The following CGNL1 variants were observed in gnomAD, a reference collection of about 807,000 sequenced individuals.
The protein encoded by CGNL1 is cingulin-like protein 1.
A neutral mutation model predicts 141.2 loss-of-function variants in CGNL1; 132 were observed. That is an observed-to-expected ratio of 0.93 (90% CI 0.81 to 1.08). The LOEUF is 1.08. CGNL1 is among the 50% of genes least tolerant of loss of function. The pLI, the probability that CGNL1 is intolerant of heterozygous loss-of-function variation, is 0.00. For missense variants in CGNL1, 1,870 were observed against 1,588.6 expected (o/e 1.18, Z -3.01); for synonymous variants, 690 against 622.1 (o/e 1.11, Z -1.63).
Position 57,452,117 on chromosome 15 carries a change from T to C in CGNL1, c.1906-24T>C. On this transcript the variant is annotated intron_variant, in intron 5 of 18. Coordinates refer to ENST00000281282, the MANE Select transcript of CGNL1 (RefSeq NM_032866.5). The stretch of plus-strand genomic sequence containing the variant: ...ACGTTAATGTACAGTGGAGGCTCTT[T>C]AAAATCACACTGATTCCTGTTAGAA... 4 of 1,606,144 alleles carry C rather than the reference T, an allele frequency of 2.5e-6. No individual in the cohort carries two copies. The South Asian group carries it at 4.5e-5, about 18-fold the overall frequency.
intron 8 of CGNL1, among the ~76,000 whole-genome samples, chr15:57,515,339 G>A (rs531243413): frequency 6.6e-6 from 1 of 152,310 alleles, no homozygotes; most frequent in East Asian, 1.9e-4. Context: ...TCTGGTTCCT[G>A]AAATTCTCTA....
intron 7 of CGNL1, among the ~76,000 whole-genome samples, chr15:57,454,226 A>C (rs2063353753): frequency 6.6e-6 from 1 of 152,170 alleles, no homozygotes; most frequent in African/African-American, 2.4e-5. Context: ...GTATTCTAGC[A>C]TAGTTTTGGA....
chr15:57,377,648 T>G (rs1247553430), intron 1 of CGNL1, among the ~76,000 whole-genome samples: 1 of 152,222 alleles, frequency 6.6e-6, no homozygotes, highest in Non-Finnish European at 1.5e-5. Flanking sequence ...GTGCCTTTAC[T>G]GAAGATCCCT....
intron 8 of CGNL1, among the ~76,000 whole-genome samples, chr15:57,490,348 A>T (rs1178981901): frequency 6.6e-6 from 1 of 152,046 alleles, no homozygotes; most frequent in Non-Finnish European, 1.5e-5. Flanking sequence ...TTTAGAAACC[A>T]CATTATAAAA....
chr15:57,451,670 A>G (rs970670585), intron 5 of CGNL1, 69 bp downstream of exon 5: 3 of 1,191,206 alleles, frequency 2.5e-6, no homozygotes, highest in Non-Finnish European at 3.6e-6. Context: ...TTTTACATGC[A>G]TTGGGATAAC....
At chr15:57,452,085 T>G in intron 5 of CGNL1, 56 bp from the exon 6 acceptor site, 3 of 1,488,038 alleles carry the variant, frequency 2.0e-6, no homozygotes, top group Non-Finnish European at 2.7e-6. Context: ...TAGGCTTCTG[T>G]GGGGTTACGT....
chr15:57,399,161 A>G (rs750717424), intron 1 of CGNL1, among the ~76,000 whole-genome samples: 7 of 152,286 alleles, frequency 4.6e-5, no homozygotes, highest in South Asian at 2.1e-4. Flanking sequence ...AGTAATTAGT[A>G]TATTCATCAC....
intron 7 of CGNL1, among the ~76,000 whole-genome samples, chr15:57,455,884 A>T (rs141688944): frequency 1.3e-5 from 2 of 152,188 alleles, no homozygotes; most frequent in African/African-American, 4.8e-5. Flanking sequence ...GCAATAGCAC[A>T]TATTTTCTTA....
At position 57,438,200 on chromosome 15, in the gene CGNL1, A is replaced by C; in HGVS notation, c.201A>C (p.Thr67=). The C allele has an allele frequency of 6.2e-7, 1 of 1,614,144 alleles. No homozygotes were observed. Among genetic ancestry groups the C allele is most frequent in the Non-Finnish European group, 8.5e-7 (1 of 1,179,982 alleles). The change falls in exon 2 of 19, where the codon ACA becomes ACC. Residue 67 remains threonine, a synonymous_variant. Coordinates refer to ENST00000281282, the MANE Select transcript of CGNL1 (RefSeq NM_032866.5). ...LNNTERCLAG[T]SFSENGPPFP... ...ACACAGAACGGTGCCTAGCAGGCAC[A>C]TCGTTTTCTGAAAATGGGCCACCCT...
chr15:57,442,181 T>TTAAAAAAAAAA (rs1567120591), intron 3 of CGNL1, among the ~76,000 whole-genome samples, 192 bp from the exon 4 acceptor site: 4 of 20,580 alleles, frequency 1.9e-4, no homozygotes, highest in South Asian at 1.4e-3. Flanking sequence ...ATCATTTATT[T>TTAAAAAAAAAA]GAAAAAAAAA....
chr15:57,544,330 G>C, intron 15 of CGNL1, 143 bp from the exon 16 acceptor site: 1 of 940,628 alleles, frequency 1.1e-6, no homozygotes, highest in Non-Finnish European at 1.6e-6. Flanking sequence ...TGTTCCCCAG[G>C]TCTCCAGGCC....
intron 1 of CGNL1, among the ~76,000 whole-genome samples, chr15:57,430,930 C>T (rs1353738831): frequency 6.6e-6 from 1 of 152,032 alleles, no homozygotes; most frequent in East Asian, 1.9e-4. Context: ...CTATGTTGGC[C>T]AGGCTGGTAT....
At chr15:57,388,408 T>G (rs1349283649) in intron 1 of CGNL1, among the ~76,000 whole-genome samples, 1 of 152,010 alleles carries the variant, frequency 6.6e-6, no homozygotes, top group Non-Finnish European at 1.5e-5. Flanking sequence ...CACTGGTGAT[T>G]TGTAGAGGTT....
intron 1 of CGNL1, among the ~76,000 whole-genome samples, chr15:57,419,332 C>T (rs181142672): frequency 6.6e-6 from 1 of 152,208 alleles, no homozygotes; most frequent in African/African-American, 2.4e-5. Flanking sequence ...CCCAATTTCC[C>T]CTATTATCAA....
At chr15:57,413,133 A>T (rs1236089254) in intron 1 of CGNL1, among the ~76,000 whole-genome samples, 1 of 152,062 alleles carries the variant, frequency 6.6e-6, no homozygotes, top group African/African-American at 2.4e-5. Flanking sequence ...TGCTGGGATT[A>T]GGGCGTGAGC....
intron 8 of CGNL1, among the ~76,000 whole-genome samples, chr15:57,512,368 AG>A (rs1303418571): frequency 1.3e-5 from 2 of 152,166 alleles, no homozygotes; most frequent in Non-Finnish European, 2.9e-5. Flanking sequence ...TTTATATAAA[AG>A]GTGAGCTGGC....
chr15:57,501,149 G>C (rs573460074), intron 8 of CGNL1, among the ~76,000 whole-genome samples: 4 of 152,306 alleles, frequency 2.6e-5, no homozygotes, highest in African/African-American at 9.6e-5. Flanking sequence ...TGGGCACAGA[G>C]TGGGATGGAG....
intron 1 of CGNL1, chr15:57,394,101 G>GTGTTTTTTTTTTTTT (rs2062574137): frequency 3.0e-5 from 1 of 33,470 alleles, no homozygotes; most frequent in Non-Finnish European, 6.4e-5. Context: ...GGTAATTTCT[G>GTGTTTTTTTTTTTTT]TTTGTTTTTT....
Position 57,451,556 on chromosome 15 carries a change from C to G in CGNL1, c.1860C>G (p.Thr620=), listed in dbSNP as rs758625303. 1 of 1,612,392 alleles carries G rather than the reference C, an allele frequency of 6.2e-7. No homozygotes were observed. Among genetic ancestry groups the G allele is most frequent in the East Asian group, 2.2e-5 (1 of 44,796 alleles). Reference sequence around the variant, plus strand: ...TATTGGAACAGAAAAGCAAGTTGACCATAGAAGTGGCTGAACTTCAGAGAC... The same window carrying G: ...TATTGGAACAGAAAAGCAAGTTGACGATAGAAGTGGCTGAACTTCAGAGAC... The part of the protein sequence containing the change: ...KDLLEQKSKL[T]IEVAELQRQL... Residue 620 remains threonine, a synonymous_variant, in exon 5 of 19, where the codon ACC becomes ACG. Coordinates refer to ENST00000281282, the MANE Select transcript of CGNL1 (RefSeq NM_032866.5).
Sources: allele counts gnomAD v4.1 joint callset (sites outside exome capture counted in the v4.1 genomes callset), GRCh38; gene constraint gnomAD v4.1.1; transcripts MANE v1.5; gene names NCBI Gene and HGNC (gene_info 2026-07-23, HGNC 2026-07-21).